The following MACROD2 variants were observed in gnomAD, a reference collection of about 807,000 sequenced individuals.
MACROD2 encodes the protein mono-ADP ribosylhydrolase 2, also known as ADP-ribose glycohydrolase MACROD2.
MACROD2 carries 36 observed loss-of-function variants against 70.4 expected under a neutral mutation model. The observed-to-expected ratio is 0.51, with a 90% CI of 0.39 to 0.68. The LOEUF is 0.68. MACROD2 is among the 30% of genes least tolerant of loss of function. MACROD2 has a pLI of 0.00. For synonymous variants in MACROD2, 172 were observed against 178.8 expected (o/e 0.96, Z 0.30); for missense variants, 496 against 538.4 (o/e 0.92, Z 0.78).
At chr20:14,311,533 T>C (rs2082566830) in intron 3 of MACROD2, among the ~76,000 whole-genome samples, 2 of 152,124 alleles carry the variant, frequency 1.3e-5, no homozygotes, top group Non-Finnish European at 2.9e-5. Context: ...TTTTGTTTGT[T>C]TTTGAGACTG....
chr20:15,622,426 T>C (rs535473835), intron 8 of MACROD2, among the ~76,000 whole-genome samples: 13 of 152,306 alleles, frequency 8.5e-5, no homozygotes, highest in African/African-American at 3.1e-4. Context: ...TCTTGCACTT[T>C]GGAGCCATGG....
intron 4 of MACROD2, among the ~76,000 whole-genome samples, chr20:14,507,186 G>A (rs1257221797): frequency 6.6e-6 from 1 of 152,048 alleles, no homozygotes; most frequent in Non-Finnish European, 1.5e-5. Flanking sequence ...AAAAAGTTCT[G>A]GAGATGCAGG....
At chr20:14,451,978 T>C (rs147823630) in intron 3 of MACROD2, among the ~76,000 whole-genome samples, 2 of 152,204 alleles carry the variant, frequency 1.3e-5, no homozygotes, top group East Asian at 3.9e-4. Flanking sequence ...CAATAGCACA[T>C]AAAGCTCACG....
intron 6 of MACROD2, among the ~76,000 whole-genome samples, chr20:15,375,918 C>T (rs2045556460): frequency 6.6e-6 from 1 of 152,126 alleles, no homozygotes; most frequent in Non-Finnish European, 1.5e-5. Flanking sequence ...TTTCCCAACG[C>T]CTGTTTACTT....
chr20:14,988,897 T>C (rs960227682), intron 5 of MACROD2, among the ~76,000 whole-genome samples: 5 of 152,138 alleles, frequency 3.3e-5, no homozygotes, highest in Admixed American at 3.3e-4. Context: ...AAAATTATTG[T>C]TTAATATTTA....
chr20:14,711,898 G>A (rs529263355), intron 5 of MACROD2, among the ~76,000 whole-genome samples: 4 of 152,228 alleles, frequency 2.6e-5, no homozygotes, highest in South Asian at 4.1e-4. Context: ...AATAGGAATC[G>A]CCTTAGAGCT....
chr20:14,130,273 C>T (rs1163425198), intron 3 of MACROD2, among the ~76,000 whole-genome samples: 2 of 152,140 alleles, frequency 1.3e-5, no homozygotes, highest in Non-Finnish European at 2.9e-5. Flanking sequence ...CTAGGCTGGG[C>T]ACGGTGGCTC....
chr20:15,382,030 A>AG (rs2045651018), intron 6 of MACROD2, among the ~76,000 whole-genome samples: 1 of 152,132 alleles, frequency 6.6e-6, no homozygotes, highest in African/African-American at 2.4e-5. Flanking sequence ...TAAAAAGAGA[A>AG]GGGGGCAGCT....
chr20:14,052,205 T>C (rs2053576594), intron 2 of MACROD2, among the ~76,000 whole-genome samples: 1 of 152,124 alleles, frequency 6.6e-6, no homozygotes, highest in African/African-American at 2.4e-5. Context: ...TTCTGTCTTT[T>C]TTCTTTTTCT....
intron 6 of MACROD2, among the ~76,000 whole-genome samples, chr20:15,275,617 A>C (rs990791482): frequency 1.3e-5 from 2 of 152,140 alleles, no homozygotes; most frequent in Non-Finnish European, 2.9e-5. Flanking sequence ...TTCATTCAAG[A>C]CTGTAATTTC....
intron 8 of MACROD2, among the ~76,000 whole-genome samples, chr20:15,822,310 A>G (rs574777628): frequency 1.3e-5 from 2 of 152,318 alleles, no homozygotes; most frequent in African/African-American, 2.4e-5. Flanking sequence ...ACAATACTAT[A>G]TTAATATAAA....
At chr20:15,846,209 T>C (rs1260921592) in intron 8 of MACROD2, among the ~76,000 whole-genome samples, 5 of 152,206 alleles carry the variant, frequency 3.3e-5, no homozygotes, top group Non-Finnish European at 5.9e-5. Context: ...CCAGAACTTC[T>C]CAGGCTATCC....
intron 3 of MACROD2, among the ~76,000 whole-genome samples, chr20:14,381,376 C>T (rs568374789): frequency 2.0e-5 from 3 of 151,984 alleles, no homozygotes; most frequent in African/African-American, 4.8e-5. Context: ...AATGAGTGAT[C>T]GTTGACCTGG....
chr20:14,648,634 A>ATC (rs1985522673), intron 4 of MACROD2, among the ~76,000 whole-genome samples: 3 of 151,780 alleles, frequency 2.0e-5, no homozygotes, highest in East Asian at 1.9e-4. Flanking sequence ...ATATATATAT[A>ATC]TATCTATCTA....
At chr20:14,093,390 G>C (rs1462187112) in intron 3 of MACROD2, among the ~76,000 whole-genome samples, 2 of 151,898 alleles carry the variant, frequency 1.3e-5, no homozygotes, top group African/African-American at 4.8e-5. Context: ...CCTGGCCTTT[G>C]TTTTGATTCT....
At chr20:14,375,728 G>A (rs1302256296) in intron 3 of MACROD2, among the ~76,000 whole-genome samples, 4 of 152,086 alleles carry the variant, frequency 2.6e-5, no homozygotes, top group East Asian at 3.9e-4. Context: ...CCGGTTTTGC[G>A]TTCAATTCAA....
At chr20:14,248,815 A>AT (rs942409342) in intron 3 of MACROD2, among the ~76,000 whole-genome samples, 4 of 151,316 alleles carry the variant, frequency 2.6e-5, no homozygotes, top group African/African-American at 2.4e-5. Flanking sequence ...TTGGCATATA[A>AT]TTTTTTTTTG....
At chr20:15,994,440 A>T (rs559583148) in intron 15 of MACROD2, among the ~76,000 whole-genome samples, 1 of 152,248 alleles carries the variant, frequency 6.6e-6, no homozygotes, top group Admixed American at 6.5e-5. Flanking sequence ...ACGTTTTCAT[A>T]TATCACTCTT....
intron 12 of MACROD2, among the ~76,000 whole-genome samples, chr20:15,964,524 C>T (rs1349442517): frequency 1.3e-5 from 2 of 152,134 alleles, no homozygotes; most frequent in African/African-American, 4.8e-5. Flanking sequence ...AGTGCCATCA[C>T]CTTAGCAGTT....
Sources: allele counts gnomAD v4.1 joint callset (sites outside exome capture counted in the v4.1 genomes callset), GRCh38; gene constraint gnomAD v4.1.1; transcripts MANE v1.5; gene names NCBI Gene and HGNC (gene_info 2026-07-23, HGNC 2026-07-21).